The following LEKR1 variants were observed in gnomAD, a reference collection of about 807,000 sequenced individuals.
LEKR1 encodes leucine, glutamate and lysine rich 1, also known as protein LEKR1.
In LEKR1, 59 loss-of-function variants were observed where a neutral mutation model predicts 72.4. That is an observed-to-expected ratio of 0.82 (90% CI 0.66 to 1.01). LEKR1 has a LOEUF of 1.01. Ranked by LOEUF, LEKR1 falls within the 50% of genes least tolerant of loss-of-function variation. The probability of loss-of-function intolerance (pLI) is 0.00; values close to 1 mark genes in which losing one functional copy is unlikely to be tolerated. For synonymous variants in LEKR1, 257 were observed against 263.2 expected, an observed-to-expected ratio of 0.98 and a Z score of 0.23; for missense variants, 728 against 759.2, an observed-to-expected ratio of 0.96 and a Z score of 0.48.
At chr3:156,980,115 A>G (rs1730054266) in intron 7 of LEKR1, 1 of 152,226 alleles carries the variant, frequency 6.6e-6, no homozygotes, top group South Asian at 2.1e-4. Context: ...TAGTATGTAT[A>G]TAATCTTTGA....
chr3:156,930,554 G>C (rs1297463531), intron 5 of LEKR1, among the ~76,000 whole-genome samples: 1 of 151,856 alleles, frequency 6.6e-6, no homozygotes, highest in Non-Finnish European at 1.5e-5. Context: ...ATAATTTCTA[G>C]AGCAACTACT....
intron 6 of LEKR1, among the ~76,000 whole-genome samples, chr3:156,966,080 C>T (rs1263804733): frequency 6.6e-6 from 1 of 151,730 alleles, no homozygotes; most frequent in Admixed American, 6.6e-5. Context: ...ACTAATGTAA[C>T]TAAATAAATA....
chr3:156,973,876 T>A (rs1209818498), intron 6 of LEKR1, among the ~76,000 whole-genome samples: 1 of 152,226 alleles, frequency 6.6e-6, no homozygotes, highest in Non-Finnish European at 1.5e-5. Flanking sequence ...TTCTAATGAA[T>A]ATTAGCTGCT....
At chr3:157,002,579 C>T (rs1732098148) in intron 9 of LEKR1, among the ~76,000 whole-genome samples, 1 of 152,052 alleles carries the variant, frequency 6.6e-6, no homozygotes, top group African/African-American at 2.4e-5. Flanking sequence ...TCTGCTTTAT[C>T]CCATTAAAGA....
intron 6 of LEKR1, among the ~76,000 whole-genome samples, chr3:156,965,088 C>A (rs969368817): frequency 6.6e-6 from 1 of 152,036 alleles, no homozygotes; most frequent in South Asian, 2.1e-4. Context: ...TTTGGAACAA[C>A]AAAATACTGC....
chr3:156,900,116 T>C (rs1376694972), intron 3 of LEKR1, among the ~76,000 whole-genome samples: 2 of 152,084 alleles, frequency 1.3e-5, no homozygotes, highest in Non-Finnish European at 2.9e-5. Flanking sequence ...TGGGGGGAAC[T>C]ATACTAAACC....
At chr3:156,873,683 G>C (rs1349212299) in intron 3 of LEKR1, among the ~76,000 whole-genome samples, 2 of 151,878 alleles carry the variant, frequency 1.3e-5, no homozygotes, top group Non-Finnish European at 2.9e-5. Flanking sequence ...AACCAATCTA[G>C]TGGTGATGAA....
At chr3:156,899,549 C>CATAT (rs1349766824) in intron 3 of LEKR1, among the ~76,000 whole-genome samples, 43 of 90,508 alleles carry the variant, frequency 4.8e-4, no homozygotes, top group African/African-American at 2.5e-3. Context: ...TACATATATA[C>CATAT]ACATATATAC....
At chr3:156,902,439 ATG>A (rs1286432683) in intron 3 of LEKR1, among the ~76,000 whole-genome samples, 1 of 147,268 alleles carries the variant, frequency 6.8e-6, no homozygotes, top group East Asian at 1.9e-4. Flanking sequence ...CAATCAAAAT[ATG>A]TTATGTTTTC....
chr3:156,866,303 T>C (rs1717299426), intron 3 of LEKR1, among the ~76,000 whole-genome samples: 1 of 152,034 alleles, frequency 6.6e-6, no homozygotes, highest in African/African-American at 2.4e-5. Flanking sequence ...CAATGAGATG[T>C]GAGTGAAAAT....
Position 156,954,917 on chromosome 3 carries a change from A to G in LEKR1, c.745+12203A>G, listed in dbSNP as rs537445799. ...GAATGTCAATGGTAGTTTAATGGGAATAGCATTGAATCTATAAATTACTTT... is the reference window on the plus strand; with the variant it reads ...GAATGTCAATGGTAGTTTAATGGGAGTAGCATTGAATCTATAAATTACTTT... On this transcript the variant is annotated intron_variant, in intron 6 of 12. Transcript: ENST00000356539. 2.0e-5 allele frequency among the ~76,000 whole-genome samples: 3 copies of G among 152,170 alleles called. No homozygotes were observed. In the South Asian group the frequency reaches 6.2e-4, roughly 32 times the overall value.
intron 7 of LEKR1, among the ~76,000 whole-genome samples, chr3:156,991,871 C>CT (rs1731166038): frequency 6.6e-6 from 1 of 152,090 alleles, no homozygotes; most frequent in South Asian, 2.1e-4. Flanking sequence ...TTTCTGAATA[C>CT]TTTTTTACTA....
chr3:156,853,930 C>T (rs1715705315), intron 3 of LEKR1, among the ~76,000 whole-genome samples: 1 of 151,920 alleles, frequency 6.6e-6, no homozygotes, highest in African/African-American at 2.4e-5. Context: ...GGTGTATTCA[C>T]ACCTTACTTT....
At chr3:156,915,740 G>T (rs570153580) in intron 3 of LEKR1, among the ~76,000 whole-genome samples, 1 of 151,956 alleles carries the variant, frequency 6.6e-6, no homozygotes, top group African/African-American at 2.4e-5. Context: ...AGTTTCTTTT[G>T]GTGTGCAGAA....
chr3:156,924,658 C>T (rs902576030), intron 4 of LEKR1: 1 of 435,518 alleles, frequency 2.3e-6, no homozygotes, highest in African/African-American at 2.0e-5. Context: ...TAAATTCATC[C>T]TGTTTCACGT....
At chr3:156,875,304 T>C (rs79657597) in intron 3 of LEKR1, among the ~76,000 whole-genome samples, 6,649 of 152,318 alleles carry the variant, frequency 0.044, 172 homozygotes, top group Admixed American at 0.064. Flanking sequence ...TTTATGTTTA[T>C]TGGCTATTTG....
In LEKR1 at chr3:157,045,534, C is replaced by A. The variant is rs1037599700; in HGVS notation, c.1863C>A (p.Ser621Arg). ...AAAVSNHGER[S>R]LARLNSEKGI... is the part of the protein sequence containing the mutation. ...CAGTCAGTAATCATGGAGAGAGAAG[C>A]CTTGCAAGACTGAACTCTGAAAAAG... Residue 621 changes from serine (S) to arginine (R), a missense_variant, in exon 13 of 13, where the codon AGC becomes AGA. Physicochemically the swap from Ser to Arg is moderately radical, Grantham distance 110. Coordinates refer to ENST00000356539, the MANE Select transcript of LEKR1 (RefSeq NM_001004316.3). 1 of 1,614,166 alleles carries A rather than the reference C, an allele frequency of 6.2e-7. No homozygotes were observed. The highest frequency in any genetic ancestry group is 8.5e-7 in the Non-Finnish European group (1 of 1,180,020).
At chr3:156,851,441 TTAAAA>T (rs987585036) in intron 2 of LEKR1, among the ~76,000 whole-genome samples, 9 of 152,182 alleles carry the variant, frequency 5.9e-5, no homozygotes, top group African/African-American at 2.2e-4. Context: ...ATTTGGGATG[TTAAAA>T]TAAAGGATAG....
intron 6 of LEKR1, among the ~76,000 whole-genome samples, chr3:156,965,714 A>G (rs1374562467): frequency 6.6e-6 from 1 of 152,196 alleles, no homozygotes; most frequent in Admixed American, 6.5e-5. Flanking sequence ...TATAAACCCT[A>G]AAATGAAATG....
Sources: allele counts gnomAD v4.1 joint callset (sites outside exome capture counted in the v4.1 genomes callset), GRCh38; gene constraint gnomAD v4.1.1; transcripts MANE v1.5; gene names NCBI Gene and HGNC (gene_info 2026-07-23, HGNC 2026-07-21).